Variants in FBXL17 observed in about 807,000 individuals in gnomAD.
The protein encoded by FBXL17 is F-box and leucine rich repeat protein 17.
A neutral mutation model predicts 66.2 loss-of-function variants in FBXL17; 22 were observed. That is an observed-to-expected ratio of 0.33 (90% CI 0.24 to 0.47). The LOEUF (loss-of-function observed/expected upper bound fraction) is 0.47, where lower values mean the gene tolerates loss of function less well. Among genes scored for constraint, FBXL17 ranks in the 20% least tolerant of loss-of-function variants. The pLI, the probability that FBXL17 is intolerant of heterozygous loss-of-function variation, is 1.00. For synonymous variants in FBXL17, 474 were observed against 400.5 expected (o/e 1.18, Z -2.19); for missense variants, 878 against 948.2 (o/e 0.93, Z 0.97).
chr5:108,199,367 T>C (rs1753799807), intron 5 of FBXL17, among the ~76,000 whole-genome samples: 2 of 152,218 alleles, frequency 1.3e-5, no homozygotes, highest in South Asian at 2.1e-4. Context: ...TAGTCAAATA[T>C]TTTTCTTTAC....
At chr5:108,178,715 A>T (rs1198296877) in intron 6 of FBXL17, among the ~76,000 whole-genome samples, 1 of 152,354 alleles carries the variant, frequency 6.6e-6, no homozygotes, top group African/African-American at 2.4e-5. Context: ...TCTGCATTCT[A>T]TAGAGGCAAG....
chr5:107,914,088 T>A (rs1056445545), intron 7 of FBXL17, among the ~76,000 whole-genome samples: 1 of 81,404 alleles, frequency 1.2e-5, no homozygotes, highest in African/African-American at 5.0e-5. Context: ...AGATTTAGTT[T>A]AAAAACCTCC....
chr5:108,270,339 C>A (rs1391198203), intron 4 of FBXL17, among the ~76,000 whole-genome samples: 1 of 151,770 alleles, frequency 6.6e-6, no homozygotes, highest in Middle Eastern at 3.2e-3. Flanking sequence ...TTCCTCCATA[C>A]ATGTATCTAA....
chr5:107,974,537 G>GCA (rs1752508576), intron 7 of FBXL17, among the ~76,000 whole-genome samples: 1 of 151,512 alleles, frequency 6.6e-6, no homozygotes, highest in Non-Finnish European at 1.5e-5. Flanking sequence ...CACCATTGCT[G>GCA]CAGTCTCCAA....
intron 6 of FBXL17, among the ~76,000 whole-genome samples, chr5:108,110,971 A>G (rs550356671): frequency 6.6e-6 from 1 of 152,308 alleles, no homozygotes; most frequent in South Asian, 2.1e-4. Flanking sequence ...AATAGTCCAC[A>G]TTCACCAGCA....
intron 7 of FBXL17, among the ~76,000 whole-genome samples, chr5:107,953,869 G>A (rs1038345358): frequency 6.6e-6 from 1 of 152,170 alleles, no homozygotes; most frequent in Non-Finnish European, 1.5e-5. Flanking sequence ...ATTAATTCAT[G>A]TTAATTTCTC....
intron 4 of FBXL17, among the ~76,000 whole-genome samples, chr5:108,316,292 G>A (rs1759359520): frequency 6.6e-6 from 1 of 151,044 alleles, no homozygotes; most frequent in Non-Finnish European, 1.5e-5. Context: ...GATCAACAAT[G>A]GAAGAATTCA....
At chr5:107,937,508 C>T (rs528097319) in intron 7 of FBXL17, among the ~76,000 whole-genome samples, 79 of 152,268 alleles carry the variant, frequency 5.2e-4, no homozygotes, top group African/African-American at 1.9e-3. Context: ...GATTACGGAT[C>T]TTACTGCAGA....
intron 7 of FBXL17, among the ~76,000 whole-genome samples, chr5:107,893,761 G>C (rs1749281496): frequency 6.6e-6 from 1 of 152,144 alleles, no homozygotes; most frequent in African/African-American, 2.4e-5. Flanking sequence ...ACACCTAGGT[G>C]GTATTTCTTT....
intron 1 of FBXL17, among the ~76,000 whole-genome samples, chr5:108,376,832 G>A (rs1324349172): frequency 6.8e-6 from 1 of 148,020 alleles, no homozygotes; most frequent in East Asian, 2.0e-4. Flanking sequence ...CTGTTGCCAG[G>A]CTGGAGTGCA....
intron 3 of FBXL17, among the ~76,000 whole-genome samples, chr5:108,361,905 C>T (rs558836796): frequency 6.6e-6 from 1 of 152,228 alleles, no homozygotes; most frequent in African/African-American, 2.4e-5. Context: ...ACTGGGAACT[C>T]GGACTGCTAT....
intron 6 of FBXL17, among the ~76,000 whole-genome samples, chr5:108,075,634 C>T (rs2149913355): frequency 6.6e-6 from 1 of 152,212 alleles, no homozygotes; most frequent in South Asian, 2.1e-4. Context: ...CGCCACTACG[C>T]CCAGCAAATT....
At chr5:107,959,263 A>C (rs1012775712) in intron 7 of FBXL17, among the ~76,000 whole-genome samples, 1 of 152,100 alleles carries the variant, frequency 6.6e-6, no homozygotes, top group Non-Finnish European at 1.5e-5. Flanking sequence ...CTTTGTGTAC[A>C]GAGGGGTAGT....
At chr5:108,168,170 A>G in intron 6 of FBXL17, among the ~76,000 whole-genome samples, 1 of 139,064 alleles carries the variant, frequency 7.2e-6, no homozygotes, top group South Asian at 2.4e-4. Context: ...ATTGCCCTTA[A>G]AATAGAAAGT....
intron 4 of FBXL17, among the ~76,000 whole-genome samples, chr5:108,246,207 T>A (rs1202116300): frequency 6.6e-6 from 1 of 152,102 alleles, no homozygotes; most frequent in African/African-American, 2.4e-5. Flanking sequence ...TTAGAAACTG[T>A]CAAGCACTAG....
intron 4 of FBXL17, among the ~76,000 whole-genome samples, chr5:108,310,066 G>A (rs865820173): frequency 6.6e-6 from 1 of 152,032 alleles, no homozygotes; most frequent in Non-Finnish European, 1.5e-5. Flanking sequence ...TTTAAAGGCA[G>A]GTGAATGTCT....
At chr5:107,967,618 C>G (rs1431660127) in intron 7 of FBXL17, among the ~76,000 whole-genome samples, 1 of 151,110 alleles carries the variant, frequency 6.6e-6, no homozygotes, top group East Asian at 2.0e-4. Flanking sequence ...CAACACGGTG[C>G]ATGTATACAT....
intron 4 of FBXL17, among the ~76,000 whole-genome samples, chr5:108,283,947 C>A (rs190797289): frequency 6.6e-6 from 1 of 151,898 alleles, no homozygotes; most frequent in East Asian, 1.9e-4. Context: ...TACTCCACAT[C>A]GCTAATCATC....
chr5:108,076,156 T>A (rs1561398151), intron 6 of FBXL17, among the ~76,000 whole-genome samples: 3 of 152,244 alleles, frequency 2.0e-5, no homozygotes, highest in African/African-American at 7.2e-5. Flanking sequence ...GTGTCTGTGA[T>A]ATTTCTCATA....
Sources: allele counts gnomAD v4.1 joint callset (sites outside exome capture counted in the v4.1 genomes callset), GRCh38; gene constraint gnomAD v4.1.1; transcripts MANE v1.5; gene names NCBI Gene and HGNC (gene_info 2026-07-23, HGNC 2026-07-21).